The following MCM7 variants were observed in gnomAD, a reference collection of about 807,000 sequenced individuals.
MCM7 encodes minichromosome maintenance complex component 7.
In MCM7, 95 loss-of-function variants were observed where a neutral mutation model predicts 83.5. The observed-to-expected ratio is 1.14, with a 90% CI of 0.96 to 1.35. The LOEUF (loss-of-function observed/expected upper bound fraction) is 1.35, where lower values mean the gene tolerates loss of function less well. Among genes scored for constraint, MCM7 ranks in the 40% most tolerant of loss-of-function variants. MCM7 has a pLI of 0.00. For synonymous variants in MCM7, 461 were observed against 352.7 expected (o/e 1.31, Z -3.44); for missense variants, 1,087 against 957.4 (o/e 1.14, Z -1.79).
chr7:100,098,083 G>C (rs1383658079), intron 7 of MCM7, 58 bp downstream of exon 7: 2 of 1,595,954 alleles, frequency 1.3e-6, no homozygotes, highest in Non-Finnish European at 8.6e-7. Context: ...TGTGTGGGTA[G>C]AATGAGTAGG....
rs567210205 is a variant in MCM7 at position 100,098,515 on chromosome 7, G to A, written c.720+63C>T. On this transcript the variant is annotated intron_variant, in intron 6 of 14. Transcript: ENST00000303887. ...CTTCTTTCTTCCTGCCATTCCACAA[G>A]TGACTACAGGATTCAAGTGGACTCC... 5.0e-4 allele frequency: 793 copies of A among 1,601,148 alleles called. 3 individuals carry two copies. The highest frequency in any genetic ancestry group is 6.5e-4 in the Non-Finnish European group (757 of 1,170,372).
rs1795491847 is a variant in MCM7, at chr7:100,094,165, G to A, written c.1848+8C>T. On this transcript the variant is annotated splice_region_variant and intron_variant, in intron 13 of 14. Coordinates refer to ENST00000303887, the MANE Select transcript of MCM7 (RefSeq NM_005916.5). ...AACAGATGGCCCTCCAGCAATTTGG[G>A]CACTTACCAGAGCAGTGGAAAGGCG... is the stretch of plus-strand genomic sequence containing the variant. 6 of 1,614,144 alleles carry A rather than the reference G, an allele frequency of 3.7e-6. No homozygotes were observed. The highest frequency in any genetic ancestry group is 5.1e-6 in the Non-Finnish European group (6 of 1,179,998).
In MCM7 at chr7:100,092,911, AG is replaced by A. The variant is rs1287690369; in HGVS notation, c.*20del. On this transcript the variant is annotated 3_prime_UTR_variant, in exon 15 of 15. Coordinates refer to ENST00000303887, the MANE Select transcript of MCM7 (RefSeq NM_005916.5). ...GGCCAGCAGGGAACAAGAGGACCCC[AG>A]GGTTGCAAGCAGGCTGGAATCAGAC... is the stretch of plus-strand genomic sequence containing the variant. The A allele has an allele frequency of 6.2e-7, 1 of 1,614,028 alleles. No homozygotes were observed. Among genetic ancestry groups the A allele is most frequent in the Non-Finnish European group, 8.5e-7 (1 of 1,179,986 alleles).
At chr7:100,100,415 C>T (rs1387705321) in intron 1 of MCM7, 4 of 1,041,874 alleles carry the variant, frequency 3.8e-6, no homozygotes, top group East Asian at 9.3e-5. Context: ...CTTTCCACCC[C>T]TATGATCCCC....
chr7:100,097,583 C>G, intron 9 of MCM7, 31 bp downstream of exon 9: 1 of 1,612,592 alleles, frequency 6.2e-7, no homozygotes, highest in South Asian at 1.1e-5. Flanking sequence ...TGACTTCATC[C>G]ACCCTGAGCC....
Position 100,094,069 on chromosome 7 carries a change from G to A in MCM7, c.1848+104C>T, listed in dbSNP as rs753879995. 2.9e-5 allele frequency: 41 copies of A among 1,436,814 alleles called. 1 individual carries two copies. The highest frequency in any genetic ancestry group is 9.2e-5 in the South Asian group (8 of 87,152). 89.0% of individuals were successfully genotyped at this position (1,436,814 alleles called of 1,614,324 possible). On this transcript the variant is annotated intron_variant, in intron 13 of 14. Transcript: ENST00000303887. ...TCTGCACTGTCAGCACTTTAGCCCC[G>A]GCAGGGCTGGAGCGGGAGGTGGGGA...
chr7:100,100,812 G>A (rs1795965152), intron 1 of MCM7: 11 of 998,876 alleles, frequency 1.1e-5, no homozygotes, highest in South Asian at 4.3e-5. Flanking sequence ...TCGGAGGGCG[G>A]CCTCAAACGG....
At position 100,099,600 on chromosome 7, in the gene MCM7, T is replaced by C. The variant is rs1235529429; in HGVS notation, c.265A>G (p.Lys89Glu). The C allele has an allele frequency of 1.2e-6, 2 of 1,614,016 alleles. No individual in the cohort carries two copies. The highest frequency in any genetic ancestry group is 1.7e-5 in the Admixed American group (1 of 60,006). The change falls in exon 3 of 15, where the codon AAG becomes GAG. Residue 89 changes from lysine (K) to glutamate (E), a missense_variant. Lys to Glu is a moderately conservative substitution (Grantham distance 56). Coordinates refer to ENST00000303887, the MANE Select transcript of MCM7 (RefSeq NM_005916.5). ...CTCTAACCACTCACTTCCCTCTCCT[T>C]GTACTGAGGCAGCAGCTCTTGTACG... Reference protein sequence around the residue: ...DAVQELLPQYKEREVVNKDVL... With the variant: ...DAVQELLPQYEEREVVNKDVL...
chr7:100,099,466 G>C (rs1010126279), intron 3 of MCM7, 63 bp from the exon 4 acceptor site: 32 of 1,578,896 alleles, frequency 2.0e-5, no homozygotes, highest in Non-Finnish European at 2.7e-5. Context: ...GGAGAGCACA[G>C]AGAACACCAG....
In MCM7 at chr7:100,099,115, G is replaced by A. The variant is rs765543234; in HGVS notation, c.490C>T (p.Arg164Cys). The A allele has an allele frequency of 1.7e-5, 27 of 1,614,074 alleles. No homozygotes were observed. The highest frequency in any genetic ancestry group is 1.8e-5 in the Non-Finnish European group (21 of 1,180,016). Residue 164 changes from arginine (R) to cysteine (C), a missense_variant, in exon 5 of 15, where the codon CGT (arginine) becomes TGT (cysteine). By Grantham distance (180) the Arg-to-Cys change is radical. Coordinates refer to ENST00000303887, the MANE Select transcript of MCM7 (RefSeq NM_005916.5). Reference protein sequence around the residue: ...ADSVGKLVTVRGIVTRVSEVK... With the variant: ...ADSVGKLVTVCGIVTRVSEVK... ...TCAGAGACACGAGTGACGATTCCAC[G>A]CACAGTTACCAACTTCCCCACAGAG...
chr7:100,094,417 G>A (rs549691821), intron 12 of MCM7, 76 bp from the exon 13 acceptor site: 1 of 1,535,172 alleles, frequency 6.5e-7, no homozygotes, highest in East Asian at 2.3e-5. Context: ...GTTGTTTTCT[G>A]TACCAGGGCT....
At chr7:100,096,957 C>T (rs1292536469) in intron 10 of MCM7, among the ~76,000 whole-genome samples, 1 of 151,978 alleles carries the variant, frequency 6.6e-6, no homozygotes, top group Admixed American at 6.6e-5. Context: ...AAGAATTAGC[C>T]AGGCGTGGTG....
intron 11 of MCM7, 83 bp from the exon 12 acceptor site, chr7:100,095,553 C>T: frequency 1.4e-6 from 2 of 1,409,184 alleles, no homozygotes; most frequent in South Asian, 1.3e-5. Context: ...TTTGGCTCTG[C>T]CACTTCCTCA....
In MCM7 at chr7:100,093,322, G is replaced by A; in HGVS notation, c.1928C>T (p.Ser643Phe). The change falls in exon 14 of 15, where the codon TCT (serine) becomes TTT (phenylalanine). Residue 643 changes from serine to phenylalanine, a missense_variant. Coordinates refer to ENST00000303887, the MANE Select transcript of MCM7 (RefSeq NM_005916.5). ...TGTCTGCCCCTTGTCTCCTAGAAGA[G>A]AGTCCTTTGACATCTCCATTAGCCT... Reference protein sequence around the residue: ...AIRLMEMSKDSLLGDKGQTAR... With the variant: ...AIRLMEMSKDFLLGDKGQTAR... 6.2e-7 allele frequency: 1 copy of A among 1,613,998 alleles called. No individual in the cohort carries two copies. Among genetic ancestry groups the A allele is most frequent in the Non-Finnish European group, 8.5e-7 (1 of 1,180,016 alleles).
At chr7:100,097,149 T>TC in intron 10 of MCM7, 152 bp downstream of exon 10, 1 of 678,526 alleles carries the variant, frequency 1.5e-6, no homozygotes, top group South Asian at 1.9e-5. Context: ...ATGGAAGCGG[T>TC]CTCAAAATCC....
chr7:100,098,866 G>A (rs1356655138), intron 5 of MCM7, 151 bp from the exon 6 acceptor site: 2 of 1,370,002 alleles, frequency 1.5e-6, no homozygotes, highest in East Asian at 2.4e-5. Context: ...CAAACACCCA[G>A]AAAATAGGTA....
At chr7:100,100,764 A>T (rs546935490) in intron 1 of MCM7, 5 of 991,958 alleles carry the variant, frequency 5.0e-6, no homozygotes, top group Non-Finnish European at 4.8e-6. Flanking sequence ...CACTCCCTCC[A>T]GCCTCCTCGC....
rs1390245646 is a variant in MCM7 at position 100,097,373 on chromosome 7, T to C, written c.1129A>G (p.Ile377Val). 3.1e-6 allele frequency: 5 copies of C among 1,614,014 alleles called. No individual in the cohort carries two copies. Among genetic ancestry groups the C allele is most frequent in the Non-Finnish European group, 4.2e-6 (5 of 1,180,022 alleles). The change falls in exon 10 of 15, where the codon ATC (isoleucine) becomes GTC (valine). Residue 377 changes from isoleucine to valine, a missense_variant. By Grantham distance (29) the Ile-to-Val change is conservative. Transcript: ENST00000303887. ...RGMKIRGNIN[I>V]CLMGDPGVAK... Reference sequence around the variant, plus strand: ...ACACCAGGATCCCCCATCAGACAGATGTTGATGTTGCCTGGAGGAAGGGAA... The same window carrying C: ...ACACCAGGATCCCCCATCAGACAGACGTTGATGTTGCCTGGAGGAAGGGAA...
rs1301383790 is a variant in MCM7 at position 100,099,761 on chromosome 7, G to C, written c.112-8C>G. 1.1e-5 allele frequency: 17 copies of C among 1,613,470 alleles called. No homozygotes were observed. The East Asian group carries it at 3.1e-4, about 30-fold the overall frequency. ...CCGATGAGCCAGCCGAACCTCAAGT[G>C]GGGAAGAGACAGAAACACCTCAGAG... On this transcript the variant is annotated splice_polypyrimidine_tract_variant and splice_region_variant and intron_variant, in intron 2 of 14. Coordinates refer to ENST00000303887, the MANE Select transcript of MCM7 (RefSeq NM_005916.5).
Sources: allele counts gnomAD v4.1 joint callset (sites outside exome capture counted in the v4.1 genomes callset), GRCh38; gene constraint gnomAD v4.1.1; transcripts MANE v1.5; gene names NCBI Gene and HGNC (gene_info 2026-07-23, HGNC 2026-07-21).